SGCD: variants seen among roughly 807,000 people sequenced by gnomAD.
The protein encoded by SGCD is delta-sarcoglycan.
SGCD carries 18 observed loss-of-function variants against 36.6 expected under a neutral mutation model. The observed-to-expected ratio is 0.49, with a 90% CI of 0.34 to 0.73. The LOEUF (loss-of-function observed/expected upper bound fraction) is 0.73. SGCD is among the 30% of genes least tolerant of loss of function. The probability of loss-of-function intolerance (pLI) is 0.01; values close to 1 mark genes in which losing one functional copy is unlikely to be tolerated. For synonymous variants in SGCD, 133 were observed against 130.6 expected, an observed-to-expected ratio of 1.02 and a Z score of -0.12; for missense variants, 387 against 346.7, an observed-to-expected ratio of 1.12 and a Z score of -0.92.
At chr5:156,498,553 TATC>T (rs1756303815) in intron 3 of SGCD, among the ~76,000 whole-genome samples, 2 of 152,342 alleles carry the variant, frequency 1.3e-5, no homozygotes, top group South Asian at 2.1e-4. Flanking sequence ...TGCTTTCAGT[TATC>T]ATAATTTTTG....
chr5:156,032,137 A>G (rs1759360199), intron 1 of SGCD, among the ~76,000 whole-genome samples: 1 of 151,780 alleles, frequency 6.6e-6, no homozygotes, highest in African/African-American at 2.4e-5. Flanking sequence ...TTTATAACTT[A>G]AAATAAAAAA....
chr5:156,039,636 C>G (rs996610894), intron 1 of SGCD, among the ~76,000 whole-genome samples: 1 of 152,194 alleles, frequency 6.6e-6, no homozygotes, highest in African/African-American at 2.4e-5. Flanking sequence ...AAAAGCAACA[C>G]TTGGAAATCT....
At chr5:155,747,239 TG>T in the SGCD span, among the ~76,000 whole-genome samples, 23 of 151,790 alleles carry the variant, frequency 1.5e-4, 1 homozygote, top group East Asian at 4.5e-3. Context: ...GTTAATGGAG[TG>T]GGAGGCCTGG....
At chr5:156,400,578 A>C (rs1040588158) in intron 3 of SGCD, among the ~76,000 whole-genome samples, 5 of 152,232 alleles carry the variant, frequency 3.3e-5, no homozygotes, top group Non-Finnish European at 7.3e-5. Flanking sequence ...ACCTACTCCT[A>C]CTAGTTGTAA....
intron 4 of SGCD, among the ~76,000 whole-genome samples, chr5:156,516,233 C>T (rs1312125186): frequency 6.6e-6 from 1 of 152,222 alleles, no homozygotes; most frequent in Non-Finnish European, 1.5e-5. Context: ...CCCCCACACA[C>T]ACACCCCCAA....
the SGCD span, among the ~76,000 whole-genome samples, chr5:155,784,499 G>A: frequency 1.3e-5 from 2 of 152,124 alleles, no homozygotes; most frequent in Non-Finnish European, 2.9e-5. Flanking sequence ...AGTCTACATG[G>A]ATTTTAGCAG....
chr5:156,570,110 C>T (rs943803596), intron 4 of SGCD, among the ~76,000 whole-genome samples: 6 of 152,108 alleles, frequency 3.9e-5, no homozygotes, highest in African/African-American at 1.4e-4. Flanking sequence ...TCAATATGGA[C>T]TAAAACAGCT....
intron 3 of SGCD, among the ~76,000 whole-genome samples, chr5:156,406,549 G>T (rs187267527): frequency 2.6e-5 from 4 of 151,518 alleles, no homozygotes; most frequent in African/African-American, 9.7e-5. Flanking sequence ...CCTTCAATCC[G>T]TTCAAGTTTC....
chr5:156,660,078 G>T (rs1176053262), intron 7 of SGCD, among the ~76,000 whole-genome samples: 3 of 148,760 alleles, frequency 2.0e-5, no homozygotes, highest in African/African-American at 7.6e-5. Flanking sequence ...AAATTTTAAT[G>T]ATCTTTGATA....
intron 3 of SGCD, among the ~76,000 whole-genome samples, chr5:156,497,907 CT>C (rs1178238247): frequency 2.0e-5 from 3 of 152,182 alleles, no homozygotes; most frequent in Non-Finnish European, 4.4e-5. Flanking sequence ...GTTTATAATG[CT>C]CCCTAGAAAA....
At chr5:156,227,587 C>T (rs1268451196) in intron 3 of SGCD, among the ~76,000 whole-genome samples, 2 of 150,382 alleles carry the variant, frequency 1.3e-5, no homozygotes, top group Non-Finnish European at 3.0e-5. Flanking sequence ...TATGTGGGCT[C>T]TTTTTTTTTG....
At chr5:156,044,076 C>T (rs189009580) in intron 1 of SGCD, among the ~76,000 whole-genome samples, 6 of 152,270 alleles carry the variant, frequency 3.9e-5, no homozygotes, top group Non-Finnish European at 7.4e-5. Context: ...GCACCCTATG[C>T]TTTCAGAGGC....
chr5:156,712,965 C>G (rs1336002072), intron 7 of SGCD, among the ~76,000 whole-genome samples: 2 of 152,168 alleles, frequency 1.3e-5, no homozygotes, highest in African/African-American at 2.4e-5. Flanking sequence ...CTCTTGCCAT[C>G]ATCTAGAGAG....
chr5:155,731,165 G>T, the SGCD span, among the ~76,000 whole-genome samples: 2 of 151,946 alleles, frequency 1.3e-5, no homozygotes, highest in African/African-American at 4.8e-5. Context: ...GGAGAGAGAG[G>T]CAGAGACACA....
chr5:156,164,682 G>T (rs947734934), intron 3 of SGCD, among the ~76,000 whole-genome samples: 1 of 152,202 alleles, frequency 6.6e-6, no homozygotes, highest in Non-Finnish European at 1.5e-5. Context: ...TCAGTGATTT[G>T]TAGAGGGCTT....
intron 3 of SGCD, among the ~76,000 whole-genome samples, chr5:156,474,654 G>T (rs780797348): frequency 8.5e-5 from 13 of 152,180 alleles, no homozygotes; most frequent in Non-Finnish European, 1.5e-4. Context: ...CATTGAAGCA[G>T]AAACCAATCT....
chr5:156,548,186 G>T (rs1758656402), intron 4 of SGCD, among the ~76,000 whole-genome samples: 1 of 152,150 alleles, frequency 6.6e-6, no homozygotes. Flanking sequence ...TGGCCCAAAT[G>T]GACTTAGCAA....
At chr5:155,752,878 A>C in the SGCD span, among the ~76,000 whole-genome samples, 1 of 152,124 alleles carries the variant, frequency 6.6e-6, no homozygotes, top group Non-Finnish European at 1.5e-5. Flanking sequence ...AGAAGAGAAA[A>C]ATGAGATTCA....
At chr5:156,576,330 G>A (rs923977500) in intron 4 of SGCD, among the ~76,000 whole-genome samples, 5 of 152,260 alleles carry the variant, frequency 3.3e-5, no homozygotes, top group African/African-American at 9.6e-5. Flanking sequence ...ATCATTGATG[G>A]ACATTTGGGT....
Sources: gnomAD v4.1 joint callset for allele counts (sites outside exome capture counted in the v4.1 genomes callset) on GRCh38, gnomAD v4.1.1 for gene constraint, MANE v1.5 for transcripts, NCBI Gene and HGNC (gene_info 2026-07-23, HGNC 2026-07-21) for gene names.